Variants in KIRREL3 observed in about 807,000 individuals in gnomAD.
KIRREL3 encodes kirre like nephrin family adhesion molecule 3, also known as kin of IRRE-like protein 3.
KIRREL3 carries 36 observed loss-of-function variants against 89.7 expected under a neutral mutation model. The observed-to-expected ratio is 0.40, with a 90% confidence interval of 0.31 to 0.53. The LOEUF is 0.53. KIRREL3 is among the 20% of genes least tolerant of loss of function. The probability of loss-of-function intolerance (pLI) is 0.49; values close to 1 mark genes in which losing one functional copy is unlikely to be tolerated. For synonymous variants in KIRREL3, 445 were observed against 441.4 expected, an observed-to-expected ratio of 1.01 and a Z score of -0.10; for missense variants, 864 against 1,056.6, an observed-to-expected ratio of 0.82 and a Z score of 2.53.
At chr11:126,478,425 G>C (rs893747853) in intron 4 of KIRREL3, among the ~76,000 whole-genome samples, 1 of 151,952 alleles carries the variant, frequency 6.6e-6, no homozygotes, top group Admixed American at 6.6e-5. Flanking sequence ...TTAAATAAAA[G>C]AATCTCAGAA....
rs375008322 is a variant in KIRREL3 at position 126,429,672 on chromosome 11, T to C, written c.1697-384A>G. On this transcript the variant is annotated intron_variant, in intron 14 of 16. Transcript: ENST00000525144. This position sits in a 1 kb window ranked among gnomAD's most constrained non-coding sequence, Gnocchi z 5.2. ...AGGCGGGCTCCAATCCCTCCATTCATAGAACCATAAATCTCAGTGTTGGAA... is the reference window on the plus strand; with the variant it reads ...AGGCGGGCTCCAATCCCTCCATTCACAGAACCATAAATCTCAGTGTTGGAA... 7.2e-5 allele frequency among the ~76,000 whole-genome samples: 11 copies of C among 152,236 alleles called. No homozygotes were observed. In the East Asian group the frequency reaches 9.6e-4, roughly 13 times the overall value.
chr11:126,461,823 G>C (rs561405903), intron 6 of KIRREL3, among the ~76,000 whole-genome samples: 1 of 152,292 alleles, frequency 6.6e-6, no homozygotes, highest in East Asian at 1.9e-4. Flanking sequence ...AATCAGGGCT[G>C]TTAGGAAGTG....
chr11:126,921,965 AT>A (rs1947343234), intron 1 of KIRREL3, among the ~76,000 whole-genome samples: 4 of 54,272 alleles, frequency 7.4e-5, no homozygotes, highest in African/African-American at 3.5e-4. Flanking sequence ...GTATATCTAT[AT>A]CTATCTATCT....
Position 126,761,560 on chromosome 11 carries a change from G to T in KIRREL3, c.56-198648C>A, listed in dbSNP as rs534539466. Among the ~76,000 whole-genome samples the T allele has an allele frequency of 2.6e-5, 4 of 152,370 alleles. No homozygotes were observed. In the South Asian group the frequency reaches 8.3e-4, roughly 32 times the overall value. Reference sequence around the variant, plus strand: ...GTGTCAAGATTAGTAAACAGGAAGAGGATTTGGAAGCTAAATGCATGCCTA... The same window carrying T: ...GTGTCAAGATTAGTAAACAGGAAGATGATTTGGAAGCTAAATGCATGCCTA... On this transcript the variant is annotated intron_variant, in intron 1 of 16. Coordinates refer to ENST00000525144, the MANE Select transcript of KIRREL3 (RefSeq NM_032531.4). This position sits in a 1 kb window ranked among gnomAD's most constrained non-coding sequence, Gnocchi z 4.4.
At chr11:126,847,314 AAG>A (rs1944181836) in intron 1 of KIRREL3, among the ~76,000 whole-genome samples, 1 of 151,804 alleles carries the variant, frequency 6.6e-6, no homozygotes. Context: ...CAGTAATAAT[AAG>A]AATTGTTACA....
rs1381310919 is a variant in KIRREL3 at position 126,996,675 on chromosome 11, G to A, written c.55+3780C>T. ...CTCTGCCCTCTGACAGCTGCTGACAGCCCCTTTTGGTGTTTCCAGCCAGGC... is the reference window on the plus strand; with the variant it reads ...CTCTGCCCTCTGACAGCTGCTGACAACCCCTTTTGGTGTTTCCAGCCAGGC... On this transcript the variant is annotated intron_variant, in intron 1 of 16. Transcript: ENST00000525144. The surrounding 1 kb of genome is among the most constrained non-coding windows in gnomAD (Gnocchi z 4.7). Among the ~76,000 whole-genome samples, 1 of 152,144 alleles carries A rather than the reference G, an allele frequency of 6.6e-6. No individual in the cohort carries two copies. Among genetic ancestry groups the A allele is most frequent in the African/African-American group, 2.4e-5 (1 of 41,432 alleles).
rs1948318201 is a variant in KIRREL3 at position 126,724,879 on chromosome 11, G to T, written c.56-161967C>A. 6.6e-6 allele frequency among the ~76,000 whole-genome samples: 1 copy of T among 152,194 alleles called. No homozygotes were observed. Among genetic ancestry groups the T allele is most frequent in the Non-Finnish European group, 1.5e-5 (1 of 68,036 alleles). On this transcript the variant is annotated intron_variant, in intron 1 of 16. Transcript: ENST00000525144. This position sits in a 1 kb window ranked among gnomAD's most constrained non-coding sequence, Gnocchi z 4.3. ...ATTCCTCTTTATCATAGATCAACTTGTCAGTTAGTCATTCACTTAATGAGT... is the reference window on the plus strand; with the variant it reads ...ATTCCTCTTTATCATAGATCAACTTTTCAGTTAGTCATTCACTTAATGAGT...
rs558901567 is a variant in KIRREL3, at chr11:126,778,464, G to A, written c.56-215552C>T. On this transcript the variant is annotated intron_variant, in intron 1 of 16. Coordinates refer to ENST00000525144, the MANE Select transcript of KIRREL3 (RefSeq NM_032531.4). This position sits in a 1 kb window ranked among gnomAD's most constrained non-coding sequence, Gnocchi z 4.5. Reference sequence around the variant, plus strand: ...TGTCTACAAGCTATGCAACTGTGAGGTTGTGCTATAATGTATTAAGCCAAT... The same window carrying A: ...TGTCTACAAGCTATGCAACTGTGAGATTGTGCTATAATGTATTAAGCCAAT... Among the ~76,000 whole-genome samples, 1 of 152,312 alleles carries A rather than the reference G, an allele frequency of 6.6e-6. No individual in the cohort carries two copies. The highest frequency in any genetic ancestry group is 1.9e-4 in the East Asian group (1 of 5,190).
intron 1 of KIRREL3, among the ~76,000 whole-genome samples, chr11:126,949,065 A>G (rs1948702105): frequency 6.6e-6 from 1 of 152,228 alleles, no homozygotes; most frequent in South Asian, 2.1e-4. Context: ...AATTTGCTTA[A>G]ATAATCTCCT....
intron 1 of KIRREL3, among the ~76,000 whole-genome samples, chr11:126,958,550 T>C (rs1432371686): frequency 1.3e-5 from 2 of 152,256 alleles, no homozygotes; most frequent in Admixed American, 1.3e-4. Context: ...TCTTTCATTC[T>C]ATCCAGGGAT....
At position 126,755,830 on chromosome 11, in the gene KIRREL3, AG is replaced by A. The variant is rs1288219229; in HGVS notation, c.56-192919del. Among the ~76,000 whole-genome samples, 1 of 3,896 alleles carries A rather than the reference AG, an allele frequency of 2.6e-4. No homozygotes were observed. Among genetic ancestry groups the A allele is most frequent in the Non-Finnish European group, 4.5e-4 (1 of 2,216 alleles). 2.6% of individuals were successfully genotyped at this position (3,896 alleles called of 152,430 possible). On this transcript the variant is annotated intron_variant, in intron 1 of 16. Transcript: ENST00000525144. This position sits in a 1 kb window ranked among gnomAD's most constrained non-coding sequence, Gnocchi z 4.3. Reference sequence around the variant, plus strand: ...CGCCATCTGCCATTCAGGCAGAGAGAGAGAGAGAGAGAGAGAGAGAGAGAGG... The same window carrying A: ...CGCCATCTGCCATTCAGGCAGAGAGAAGAGAGAGAGAGAGAGAGAGAGAGG...
intron 1 of KIRREL3, among the ~76,000 whole-genome samples, chr11:126,968,980 T>A (rs946486798): frequency 2.0e-5 from 3 of 151,708 alleles, no homozygotes; most frequent in African/African-American, 7.3e-5. Flanking sequence ...AGGTTAGGAG[T>A]GGTTACATTT....
rs151128308 is a variant in KIRREL3 at position 126,579,794 on chromosome 11, T to G, written c.56-16882A>C. ...TCTCTCCACCTCTGCGTGATGTTTT[T>G]CTGTTCGCCTGTCTGTCTCCTTGAA... On this transcript the variant is annotated intron_variant, in intron 1 of 16. Coordinates refer to ENST00000525144, the MANE Select transcript of KIRREL3 (RefSeq NM_032531.4). This position sits in a 1 kb window ranked among gnomAD's most constrained non-coding sequence, Gnocchi z 5.3. Among the ~76,000 whole-genome samples the G allele has an allele frequency of 4.3e-3, 649 of 151,964 alleles. 4 individuals are homozygous for G. The highest frequency in any genetic ancestry group is 7.1e-3 in the Non-Finnish European group (480 of 67,988).
chr11:126,751,608 C>T (rs1340215142), intron 1 of KIRREL3, among the ~76,000 whole-genome samples: 3 of 151,776 alleles, frequency 2.0e-5, no homozygotes, highest in Non-Finnish European at 4.4e-5. Context: ...TAAAAGGCTG[C>T]ACAAGTAATC....
At chr11:126,855,658 C>G (rs545517880) in intron 1 of KIRREL3, among the ~76,000 whole-genome samples, 1 of 152,224 alleles carries the variant, frequency 6.6e-6, no homozygotes, top group Non-Finnish European at 1.5e-5. Flanking sequence ...GCTCTGGCAG[C>G]CAGATGGGGC....
chr11:126,560,186 A>T (rs1591738789), intron 2 of KIRREL3, among the ~76,000 whole-genome samples: 2 of 152,078 alleles, frequency 1.3e-5, no homozygotes, highest in Admixed American at 1.3e-4. Flanking sequence ...GTCTGTCTTT[A>T]CTTCCTCCTT....
chr11:126,510,421 TTTCCTTCCTTCCTTCCTTCCTTCC>T (rs202158249), intron 4 of KIRREL3, among the ~76,000 whole-genome samples: 1 of 126,326 alleles, frequency 7.9e-6, no homozygotes, highest in Non-Finnish European at 1.6e-5. Context: ...CCTGACGTTG[TTTCCTTCCTTCCTTCCTTCCTTCC>T]TTCCTTCCTT....
At position 126,677,709 on chromosome 11, in the gene KIRREL3, A is replaced by C. The variant is rs750455832; in HGVS notation, c.56-114797T>G. Among the ~76,000 whole-genome samples, 32 of 152,172 alleles carry C rather than the reference A, an allele frequency of 2.1e-4. No homozygotes were observed. Among genetic ancestry groups the C allele is most frequent in the Non-Finnish European group, 3.7e-4 (25 of 68,026 alleles). On this transcript the variant is annotated intron_variant, in intron 1 of 16. Coordinates refer to ENST00000525144, the MANE Select transcript of KIRREL3 (RefSeq NM_032531.4). The surrounding 1 kb of genome is among the most constrained non-coding windows in gnomAD (Gnocchi z 5.1). ...GCTCGCACGAGTGGGTCCTCCCAGA[A>C]TGAGTCCAGGGGAGCCCCCTGGACC...
rs1171306684 is a variant in KIRREL3, at chr11:126,768,170, A to ATCCAATCCATCCATCCATCC, written c.56-205259_56-205258insGGATGGATGGATGGATTGGA. 7.5e-5 allele frequency among the ~76,000 whole-genome samples: 6 copies of ATCCAATCCATCCATCCATCC among 80,012 alleles called. No homozygotes were observed. The highest frequency in any genetic ancestry group is 6.6e-4 in the Admixed American group (5 of 7,556). The allele number at this position is 80,012 out of a possible 152,430, so 52.5% of individuals were successfully genotyped here. On this transcript the variant is annotated intron_variant, in intron 1 of 16. Coordinates refer to ENST00000525144, the MANE Select transcript of KIRREL3 (RefSeq NM_032531.4). The surrounding 1 kb of genome is among the most constrained non-coding windows in gnomAD (Gnocchi z 4.5). The stretch of plus-strand genomic sequence containing the variant: ...CATCCATCCATCCATCCATCCATCC[A>ATCCAATCCATCCATCCATCC]ATCCATCCATCCATCCATCCATCCA...
Sources: gnomAD v4.1 joint callset for allele counts (sites outside exome capture counted in the v4.1 genomes callset) on GRCh38, gnomAD v4.1.1 for gene constraint, Gnocchi (gnomAD v3.1) non-coding constraint, MANE v1.5 for transcripts, NCBI Gene and HGNC (gene_info 2026-07-23, HGNC 2026-07-21) for gene names.